Variants in SOX5 observed in about 807,000 individuals in gnomAD.
The protein encoded by SOX5 is SRY-box transcription factor 5, also known as transcription factor SOX-5.
SOX5 carries 9 observed loss-of-function variants against 92.0 expected under a neutral mutation model. That is an observed-to-expected ratio of 0.10 (90% CI 0.06 to 0.17). The LOEUF is 0.17. Among genes scored for constraint, SOX5 ranks in the 10% least tolerant of loss-of-function variants. The pLI, the probability that SOX5 is intolerant of heterozygous loss-of-function variation, is 1.00. For missense variants in SOX5, 642 were observed against 944.5 expected (o/e 0.68, Z 4.20); for synonymous variants, 344 against 336.3 (o/e 1.02, Z -0.25).
intron 4 of SOX5, among the ~76,000 whole-genome samples, chr12:24,050,382 G>A (rs986481673): frequency 6.6e-6 from 1 of 152,098 alleles, no homozygotes; most frequent in Non-Finnish European, 1.5e-5. Flanking sequence ...CACGGTGAGT[G>A]TATACCTGTT....
intron 2 of SOX5, among the ~76,000 whole-genome samples, chr12:24,333,837 A>G (rs1243040297): frequency 2.4e-5 from 3 of 124,434 alleles, no homozygotes; most frequent in Non-Finnish European, 5.0e-5. Flanking sequence ...TAATGTGTCT[A>G]AAGTTCACCA....
chr12:23,982,403 T>C (rs1370148951), intron 4 of SOX5, among the ~76,000 whole-genome samples: 1 of 152,216 alleles, frequency 6.6e-6, no homozygotes, highest in Non-Finnish European at 1.5e-5. Context: ...ATTGCTTTTC[T>C]TTTTGTGTAA....
At chr12:24,453,241 A>C (rs1450469440) in intron 1 of SOX5, among the ~76,000 whole-genome samples, 1 of 152,128 alleles carries the variant, frequency 6.6e-6, no homozygotes, top group East Asian at 1.9e-4. Flanking sequence ...TCAGAAAAGC[A>C]AAGTTAAATG....
At position 24,324,451 on chromosome 12, in the gene SOX5, C is replaced by A. The variant is rs184179120; in HGVS notation, c.-174+44112G>T. On this transcript the variant is annotated intron_variant, in intron 2 of 4. Coordinates refer to the SOX5 transcript ENST00000446891. ...ATTCTTCTTTAGAAGGACTATTTTA[C>A]GTGGGCAACTCTATATATAGTTGCG... Among the ~76,000 whole-genome samples, 3 of 151,632 alleles carry A rather than the reference C, an allele frequency of 2.0e-5. No homozygotes were observed. In the East Asian group the frequency reaches 5.8e-4, roughly 29 times the overall value.
intron 4 of SOX5, among the ~76,000 whole-genome samples, chr12:24,065,121 C>T (rs80235076): frequency 0.037 from 5,664 of 152,122 alleles, 124 homozygotes; most frequent in East Asian, 0.074. Context: ...TAGGGATGTG[C>T]GGATGTGTAA....
intron 1 of SOX5, among the ~76,000 whole-genome samples, chr12:23,948,664 T>C (rs1274803550): frequency 1.3e-5 from 2 of 151,834 alleles, no homozygotes; most frequent in Non-Finnish European, 2.9e-5. Context: ...GCAAACAAAA[T>C]TCTATTTATA....
At chr12:23,774,927 C>G (rs2095051287) in intron 3 of SOX5, among the ~76,000 whole-genome samples, 1 of 152,100 alleles carries the variant, frequency 6.6e-6, no homozygotes, top group South Asian at 2.1e-4. Flanking sequence ...AGATTTTTTT[C>G]CAGTGATGCT....
At chr12:23,930,842 C>A (rs1298525308) in intron 1 of SOX5, among the ~76,000 whole-genome samples, 1 of 151,642 alleles carries the variant, frequency 6.6e-6, no homozygotes, top group Non-Finnish European at 1.5e-5. Context: ...CTGTCTAGGT[C>A]TGGAAAATGT....
intron 6 of SOX5, among the ~76,000 whole-genome samples, chr12:23,669,579 A>C (rs1433910630): frequency 6.6e-6 from 1 of 152,026 alleles, no homozygotes; most frequent in African/African-American, 2.4e-5. Flanking sequence ...CGTAGAGACC[A>C]AGTGGGAAGT....
intron 1 of SOX5, among the ~76,000 whole-genome samples, chr12:24,552,464 A>G (rs1176120198): frequency 6.6e-6 from 1 of 152,202 alleles, no homozygotes; most frequent in Non-Finnish European, 1.5e-5. Context: ...CTGGGATGAG[A>G]CCCAGAAAGC....
rs531377870 is a variant in SOX5 at position 23,667,064 on chromosome 12, A to G, written c.811-1500T>C. Among the ~76,000 whole-genome samples, 12 of 152,048 alleles carry G rather than the reference A, an allele frequency of 7.9e-5. No homozygotes were observed. In the East Asian group the frequency reaches 9.7e-4, roughly 12 times the overall value. On this transcript the variant is annotated intron_variant, in intron 6 of 14. Coordinates refer to ENST00000451604, the MANE Select transcript of SOX5 (RefSeq NM_006940.6). ...TTGGTGAGTGTGGGGGGCAGCGAGG[A>G]CTGAGAGAGGGAGAAGGGGAGGAGA...
intron 4 of SOX5, among the ~76,000 whole-genome samples, chr12:24,034,537 C>T (rs147952832): frequency 2.3e-4 from 35 of 151,446 alleles, no homozygotes; most frequent in African/African-American, 8.2e-4. Flanking sequence ...TTCTCTTCTG[C>T]CCCTGGGACT....
At chr12:23,570,910 CAAAAAAAAAAA>C (rs148593886) in intron 10 of SOX5, among the ~76,000 whole-genome samples, 3 of 8,156 alleles carry the variant, frequency 3.7e-4, no homozygotes, top group African/African-American at 1.1e-3. Flanking sequence ...GACTCCAACT[CAAAAAAAAAAA>C]AAAAAAAAAA....
chr12:23,747,076 G>C, intron 4 of SOX5, among the ~76,000 whole-genome samples: 1 of 151,850 alleles, frequency 6.6e-6, no homozygotes, highest in South Asian at 2.1e-4. Flanking sequence ...CCAGTCTCGG[G>C]TATGTCTTTA....
At chr12:24,292,340 A>T (rs984595075) in intron 2 of SOX5, among the ~76,000 whole-genome samples, 1 of 152,252 alleles carries the variant, frequency 6.6e-6, no homozygotes, top group Non-Finnish European at 1.5e-5. Flanking sequence ...ATGCTTCAGG[A>T]TTATTTATTT....
chr12:23,684,704 C>T (rs1218452327), intron 6 of SOX5, among the ~76,000 whole-genome samples: 1 of 152,106 alleles, frequency 6.6e-6, no homozygotes, highest in Non-Finnish European at 1.5e-5. Flanking sequence ...AAAACTCTTC[C>T]TTACAGCTAT....
intron 7 of SOX5, among the ~76,000 whole-genome samples, chr12:23,650,626 G>C (rs1362370009): frequency 6.6e-6 from 1 of 152,048 alleles, no homozygotes; most frequent in Non-Finnish European, 1.5e-5. Context: ...GCTTGGGGGA[G>C]CCCCCTGCCA....
At chr12:24,370,356 A>T (rs1387842855) in intron 1 of SOX5, among the ~76,000 whole-genome samples, 1 of 151,364 alleles carries the variant, frequency 6.6e-6, no homozygotes, top group African/African-American at 2.4e-5. Flanking sequence ...AGGCCCCTGT[A>T]GTCCCAGCTG....
chr12:23,990,824 G>A (rs1950489017), intron 4 of SOX5, among the ~76,000 whole-genome samples: 1 of 152,056 alleles, frequency 6.6e-6, no homozygotes, highest in Admixed American at 6.6e-5. Flanking sequence ...AGTGTTTGCT[G>A]AACAGATGTT....
Sources: gnomAD v4.1 joint callset for allele counts (sites outside exome capture counted in the v4.1 genomes callset) on GRCh38, gnomAD v4.1.1 for gene constraint, MANE v1.5 for transcripts, NCBI Gene and HGNC (gene_info 2026-07-23, HGNC 2026-07-21) for gene names.